LRRC4C: variants seen among roughly 807,000 people sequenced by gnomAD.
The protein encoded by LRRC4C is leucine-rich repeat-containing protein 4C.
LRRC4C carries 5 observed loss-of-function variants against 33.6 expected under a neutral mutation model. The observed-to-expected ratio is 0.15, with a 90% CI of 0.08 to 0.31. The LOEUF is 0.31. Among genes scored for constraint, LRRC4C ranks in the 10% least tolerant of loss-of-function variants. The pLI, the probability that LRRC4C is intolerant of heterozygous loss-of-function variation, is 1.00. For synonymous variants in LRRC4C, 329 were observed against 302.0 expected (o/e 1.09, Z -0.93); for missense variants, 560 against 796.7 (o/e 0.70, Z 3.58).
In LRRC4C at chr11:41,451,248, T is replaced by C. The variant is rs76640381; in HGVS notation, c.-496+8183A>G. Among the ~76,000 whole-genome samples the C allele has an allele frequency of 5.1e-3, 776 of 152,240 alleles. 5 individuals carry two copies. The highest frequency in any genetic ancestry group is 0.012 in the African/African-American group (501 of 41,554). ...TTCATTGAGAATTCTGACTGACTTA[T>C]GCAAAAGTGTTCTTGACCTAAATCC... On this transcript the variant is annotated intron_variant, in intron 1 of 6. Coordinates refer to ENST00000528697, the MANE Select transcript of LRRC4C (RefSeq NM_001258419.2).
At chr11:41,026,418 T>C (rs1168860819) in intron 1 of LRRC4C, among the ~76,000 whole-genome samples, 1 of 151,528 alleles carries the variant, frequency 6.6e-6, no homozygotes, top group African/African-American at 2.4e-5. Flanking sequence ...AATCTTAGGA[T>C]CAAACTTTAA....
intron 1 of LRRC4C, among the ~76,000 whole-genome samples, chr11:41,278,603 GC>G (rs1388440108): frequency 3.9e-5 from 6 of 152,140 alleles, no homozygotes; most frequent in African/African-American, 1.4e-4. Flanking sequence ...GCTGGGCCTC[GC>G]CCCCTGTGTT....
At chr11:40,957,845 A>C (rs1959029798) in intron 1 of LRRC4C, among the ~76,000 whole-genome samples, 1 of 151,700 alleles carries the variant, frequency 6.6e-6, no homozygotes, top group Admixed American at 6.6e-5. Context: ...AGGAGTAATT[A>C]AAATCCAGCC....
rs183983717 is a variant in LRRC4C at position 41,035,992 on chromosome 11, T to C, written c.-495-102269A>G. ...ACTCTGCATTCTTGAAATATAGAAA[T>C]GTAACTATACAAACTCCTTGGAATT... On this transcript the variant is annotated intron_variant, in intron 1 of 6. Transcript: ENST00000528697. 3.9e-3 allele frequency among the ~76,000 whole-genome samples: 592 copies of C among 152,124 alleles called. 4 individuals are homozygous for C. The highest frequency in any genetic ancestry group is 0.014 in the African/African-American group (562 of 41,510).
intron 2 of LRRC4C, among the ~76,000 whole-genome samples, chr11:40,919,172 A>C (rs1957077455): frequency 6.6e-6 from 1 of 152,116 alleles, no homozygotes; most frequent in South Asian, 2.1e-4. Context: ...AAGTCATACC[A>C]GTCAGTTTCA....
At chr11:41,410,591 C>G (rs1337476591) in intron 1 of LRRC4C, among the ~76,000 whole-genome samples, 2 of 151,814 alleles carry the variant, frequency 1.3e-5, no homozygotes, top group Non-Finnish European at 2.9e-5. Context: ...CAGGCGCCCG[C>G]CATCACGCCC....
chr11:41,036,135 G>A (rs935398322), intron 1 of LRRC4C, among the ~76,000 whole-genome samples: 1 of 152,026 alleles, frequency 6.6e-6, no homozygotes, highest in African/African-American at 2.4e-5. Context: ...ATGAGGGTTG[G>A]AATGTGAATA....
At chr11:41,322,315 T>C (rs901424587) in intron 1 of LRRC4C, among the ~76,000 whole-genome samples, 1 of 152,112 alleles carries the variant, frequency 6.6e-6, no homozygotes, top group African/African-American at 2.4e-5. Flanking sequence ...ACTTTGAACT[T>C]ATAGTTTTTG....
rs894388115 is a variant in LRRC4C, at chr11:40,397,418, G to GA, written c.-269-77698dup. Among the ~76,000 whole-genome samples, 50 of 151,844 alleles carry GA rather than the reference G, an allele frequency of 3.3e-4. 1 individual carries two copies. The highest frequency in any genetic ancestry group is 3.4e-3 in the Middle Eastern group (1 of 294). ...AAGTGAAAGAGCTCTACTGTAAAAA[G>GA]AAAAAAACGTTTTAAAAACTTAGAG... is the stretch of plus-strand genomic sequence containing the variant. On this transcript the variant is annotated intron_variant, in intron 3 of 6. Coordinates refer to ENST00000528697, the MANE Select transcript of LRRC4C (RefSeq NM_001258419.2).
At chr11:41,422,995 G>A (rs996082) in intron 1 of LRRC4C, among the ~76,000 whole-genome samples, 72,250 of 151,874 alleles carry the variant, frequency 0.48, 17,410 homozygotes, top group South Asian at 0.6. Context: ...AATTTCACTT[G>A]GCAGTTCTTA....
chr11:40,719,919 A>C (rs1946924974), intron 2 of LRRC4C, among the ~76,000 whole-genome samples: 1 of 145,272 alleles, frequency 6.9e-6, no homozygotes, highest in African/African-American at 2.6e-5. Flanking sequence ...AAAACTATCC[A>C]ACTTGCTTCC....
At position 40,259,879 on chromosome 11, in the gene LRRC4C, T is replaced by C. The variant is rs533649111; in HGVS notation, c.-175-18281A>G. ...ATACCATCTCACACCAGTTAGAATG[T>C]CGATCATTAAAAAGTCAGGAAACAA... On this transcript the variant is annotated intron_variant, in intron 4 of 6. Coordinates refer to ENST00000528697, the MANE Select transcript of LRRC4C (RefSeq NM_001258419.2). Among the ~76,000 whole-genome samples, 50 of 151,880 alleles carry C rather than the reference T, an allele frequency of 3.3e-4. No homozygotes were observed. The South Asian group carries it at 0.01, about 32-fold the overall frequency.
At chr11:41,338,710 T>TA (rs1216503838) in intron 1 of LRRC4C, among the ~76,000 whole-genome samples, 1 of 151,872 alleles carries the variant, frequency 6.6e-6, no homozygotes, top group African/African-American at 2.4e-5. Flanking sequence ...AAAATAAAAA[T>TA]AAAAATTAAA....
chr11:40,352,204 G>A (rs770206841), intron 3 of LRRC4C, among the ~76,000 whole-genome samples: 4 of 116,848 alleles, frequency 3.4e-5, no homozygotes, highest in Non-Finnish European at 7.2e-5. Flanking sequence ...CTTCGAAGGT[G>A]TTTTTTTCTT....
intron 1 of LRRC4C, among the ~76,000 whole-genome samples, chr11:41,451,517 A>G (rs1183591244): frequency 2.6e-5 from 4 of 152,090 alleles, no homozygotes. Context: ...TAGTGATGGA[A>G]GAGATGAAAA....
chr11:40,958,253 C>T (rs1385820832), intron 1 of LRRC4C, among the ~76,000 whole-genome samples: 1 of 151,702 alleles, frequency 6.6e-6, no homozygotes, highest in Non-Finnish European at 1.5e-5. Context: ...AGACAGTAGT[C>T]TGGCAATTTA....
At chr11:40,854,001 C>G (rs779264865) in intron 2 of LRRC4C, among the ~76,000 whole-genome samples, 4 of 151,864 alleles carry the variant, frequency 2.6e-5, no homozygotes, top group Non-Finnish European at 4.4e-5. Flanking sequence ...AAAAATATCA[C>G]AATTCAAATA....
intron 2 of LRRC4C, among the ~76,000 whole-genome samples, chr11:40,835,093 A>G: frequency 6.6e-6 from 1 of 152,174 alleles, no homozygotes; most frequent in South Asian, 2.1e-4. Context: ...AGGAGCATTC[A>G]TGTATAGCTT....
chr11:40,635,856 G>T (rs949004113), intron 3 of LRRC4C, among the ~76,000 whole-genome samples: 1 of 151,744 alleles, frequency 6.6e-6, no homozygotes, highest in Non-Finnish European at 1.5e-5. Context: ...AGCCAGGAAG[G>T]TCTCAATCTC....
Sources: gnomAD v4.1 joint callset for allele counts (sites outside exome capture counted in the v4.1 genomes callset) on GRCh38, gnomAD v4.1.1 for gene constraint, MANE v1.5 for transcripts, NCBI Gene and HGNC (gene_info 2026-07-23, HGNC 2026-07-21) for gene names.